Variants in PTPN14 observed in about 807,000 individuals in gnomAD.
PTPN14 encodes the protein tyrosine-protein phosphatase non-receptor type 14.
In PTPN14, 53 loss-of-function variants were observed where a neutral mutation model predicts 126.8. That is an observed-to-expected ratio of 0.42 (90% CI 0.34 to 0.53). The LOEUF (loss-of-function observed/expected upper bound fraction) is 0.53, where lower values mean the gene tolerates loss of function less well. Among genes scored for constraint, PTPN14 ranks in the 20% least tolerant of loss-of-function variants. The pLI is 0.08. For missense variants in PTPN14, 1,257 were observed against 1,552.9 expected, an observed-to-expected ratio of 0.81 and a Z score of 3.20; for synonymous variants, 630 against 599.3, an observed-to-expected ratio of 1.05 and a Z score of -0.75.
chr1:214,368,522 C>CT (rs111988161), intron 17 of PTPN14, among the ~76,000 whole-genome samples: 190 of 151,964 alleles, frequency 1.3e-3, no homozygotes, highest in African/African-American at 4.4e-3. Context: ...TTTATTTCTC[C>CT]TTTTTTTTAA....
chr1:214,392,901 T>C (rs1051071550), intron 10 of PTPN14, among the ~76,000 whole-genome samples: 1 of 152,236 alleles, frequency 6.6e-6, no homozygotes, highest in African/African-American at 2.4e-5. Context: ...TACTCTCGGA[T>C]GTGTCCACTG....
At chr1:214,536,545 G>A (rs1655713339) in intron 1 of PTPN14, among the ~76,000 whole-genome samples, 1 of 152,070 alleles carries the variant, frequency 6.6e-6, no homozygotes, top group Non-Finnish European at 1.5e-5. Context: ...AGCACTTTGG[G>A]AAGCTGAGGC....
chr1:214,358,092 G>A (rs748967778), intron 18 of PTPN14, 42 bp from the exon 19 acceptor site: 1 of 1,603,560 alleles, frequency 6.2e-7, no homozygotes, highest in South Asian at 1.1e-5. Context: ...GAGACAGGAG[G>A]CTTCCCTTTG....
At chr1:214,438,634 T>A (rs1228689244) in intron 3 of PTPN14, among the ~76,000 whole-genome samples, 1 of 152,122 alleles carries the variant, frequency 6.6e-6, no homozygotes, top group Non-Finnish European at 1.5e-5. Context: ...GTGATTTGGG[T>A]TTTACTAATC....
intron 18 of PTPN14, among the ~76,000 whole-genome samples, chr1:214,362,543 C>G (rs1354610339): frequency 6.6e-6 from 1 of 152,248 alleles, no homozygotes; most frequent in South Asian, 2.1e-4. Context: ...CTGTGCTCTG[C>G]CAGACCAGTA....
At chr1:214,434,017 A>C (rs1302603630) in intron 3 of PTPN14, among the ~76,000 whole-genome samples, 1 of 150,074 alleles carries the variant, frequency 6.7e-6, no homozygotes, top group Non-Finnish European at 1.5e-5. Flanking sequence ...CTGTGCTCCC[A>C]GTTACTTGGG....
rs765668893 is a variant in PTPN14 at position 214,372,786 on chromosome 1, T to G, written c.2961A>C (p.Pro987=). The change falls in exon 16 of 19, where the codon CCA becomes CCC. Residue 987 remains proline (P), a synonymous_variant. Coordinates refer to ENST00000366956, the MANE Select transcript of PTPN14 (RefSeq NM_005401.5). Reference sequence around the variant, plus strand: ...TCTGCCAGAAGTCGTGGCACGTGTGTGGCAGGGGCCCCTGGGTGGCTATGT... The same window carrying G: ...TCTGCCAGAAGTCGTGGCACGTGTGGGGCAGGGGCCCCTGGGTGGCTATGT... ...WHYIATQGPL[P]HTCHDFWQMV... 3 of 1,614,176 alleles carry G rather than the reference T, an allele frequency of 1.9e-6. No homozygotes were observed. Among genetic ancestry groups the G allele is most frequent in the South Asian group, 2.2e-5 (2 of 91,082 alleles).
At chr1:214,416,850 T>C (rs947767513) in intron 3 of PTPN14, among the ~76,000 whole-genome samples, 8 of 152,180 alleles carry the variant, frequency 5.3e-5, no homozygotes, top group African/African-American at 1.9e-4. Flanking sequence ...ATGACTAAAT[T>C]TGACAACAGG....
chr1:214,527,745 T>A (rs1463988084), intron 1 of PTPN14, among the ~76,000 whole-genome samples: 1 of 152,288 alleles, frequency 6.6e-6, no homozygotes, highest in East Asian at 1.9e-4. Flanking sequence ...CACAATGAAG[T>A]AGAAAAATCT....
At chr1:214,542,441 G>C (rs1258417662) in intron 1 of PTPN14, among the ~76,000 whole-genome samples, 1 of 152,180 alleles carries the variant, frequency 6.6e-6, no homozygotes, top group African/African-American at 2.4e-5. Flanking sequence ...GGCATTCTTG[G>C]GCAAGGGGAA....
Position 214,433,951 on chromosome 1 carries a change from CAAAAAAAAAAAAA to C in PTPN14, c.344+17841_344+17853del, listed in dbSNP as rs1158472144. On this transcript the variant is annotated intron_variant, in intron 3 of 18. Transcript: ENST00000366956. ...ACACACACACACACACACACACACA[CAAAAAAAAAAAAA>C]AAAAAAAACTCAAAAAATTTAGCCA... 1.7e-3 allele frequency among the ~76,000 whole-genome samples: 171 copies of C among 98,566 alleles called. 3 individuals carry two copies. The East Asian group carries it at 0.039, about 22-fold the overall frequency. 64.7% of individuals were successfully genotyped at this position (98,566 alleles called of 152,430 possible). A position where few individuals can be genotyped will look rare whatever the true frequency, so the allele number is the denominator to read the frequency against.
chr1:214,409,468 T>C (rs1271652096), intron 5 of PTPN14, among the ~76,000 whole-genome samples: 2 of 152,246 alleles, frequency 1.3e-5, no homozygotes, highest in Non-Finnish European at 2.9e-5. Flanking sequence ...ATTGATCTGC[T>C]AGTGAGAACT....
intron 3 of PTPN14, among the ~76,000 whole-genome samples, chr1:214,437,490 T>C (rs1659946501): frequency 6.6e-6 from 1 of 152,174 alleles, no homozygotes; most frequent in Non-Finnish European, 1.5e-5. Context: ...GTATTTAATA[T>C]ATCCCCTAAA....
intron 17 of PTPN14, among the ~76,000 whole-genome samples, chr1:214,367,589 T>C (rs1483248230): frequency 1.3e-5 from 2 of 152,144 alleles, no homozygotes; most frequent in African/African-American, 2.4e-5. Flanking sequence ...GGTCCCTCCA[T>C]GGTGGTCACA....
intron 1 of PTPN14, among the ~76,000 whole-genome samples, chr1:214,543,075 T>C (rs143445338): frequency 0.016 from 2,361 of 152,292 alleles, 60 homozygotes; most frequent in African/African-American, 0.052. Context: ...CATGGTGTCA[T>C]AGGGTCTCTC....
chr1:214,475,745 G>A (rs542816194), intron 1 of PTPN14, among the ~76,000 whole-genome samples: 147 of 151,124 alleles, frequency 9.7e-4, no homozygotes, highest in Non-Finnish European at 1.2e-3. Flanking sequence ...ACACCCCTAC[G>A]ACAACAGGGC....
intron 3 of PTPN14, among the ~76,000 whole-genome samples, chr1:214,436,865 C>T (rs1007449157): frequency 5.5e-5 from 8 of 145,840 alleles, no homozygotes; most frequent in Admixed American, 1.4e-4. Flanking sequence ...GTACTCTTAA[C>T]AAGAGTCAGC....
chr1:214,362,213 G>A (rs1029041771), intron 18 of PTPN14, among the ~76,000 whole-genome samples: 1 of 152,200 alleles, frequency 6.6e-6, no homozygotes, highest in Non-Finnish European at 1.5e-5. Context: ...CAAAAGGAGA[G>A]CATTTCTCCC....
intron 3 of PTPN14, among the ~76,000 whole-genome samples, chr1:214,448,358 G>A (rs1660192934): frequency 6.6e-6 from 1 of 151,574 alleles, no homozygotes; most frequent in African/African-American, 2.4e-5. Context: ...AGACTCCCGC[G>A]TAGCTGGGAC....
Sources: allele counts gnomAD v4.1 joint callset (sites outside exome capture counted in the v4.1 genomes callset), GRCh38; gene constraint gnomAD v4.1.1; transcripts MANE v1.5; gene names NCBI Gene and HGNC (gene_info 2026-07-23, HGNC 2026-07-21).